The following DLG2 variants were observed in gnomAD, a reference collection of about 807,000 sequenced individuals.
The protein encoded by DLG2 is discs large MAGUK scaffold protein 2, also known as disks large homolog 2.
Under a neutral mutation model 132.5 loss-of-function variants are expected in DLG2, and 45 were observed. That is an observed-to-expected ratio of 0.34 (90% CI 0.27 to 0.44). The LOEUF (loss-of-function observed/expected upper bound fraction) is 0.44. Among genes scored for constraint, DLG2 ranks in the 20% least tolerant of loss-of-function variants. The pLI, the probability that DLG2 is intolerant of heterozygous loss-of-function variation, is 1.00. For missense variants in DLG2, 1,045 were observed against 1,196.9 expected (o/e 0.87, Z 1.87); for synonymous variants, 424 against 419.6 (o/e 1.01, Z -0.13).
At chr11:84,853,036 GT>G (rs2082343950) in intron 6 of DLG2, among the ~76,000 whole-genome samples, 2 of 152,090 alleles carry the variant, frequency 1.3e-5, no homozygotes, top group Admixed American at 1.3e-4. Flanking sequence ...GCTTCACACA[GT>G]TTCCTCAGTA....
chr11:83,765,023 T>C (rs532144050), intron 18 of DLG2, among the ~76,000 whole-genome samples: 1 of 152,360 alleles, frequency 6.6e-6, no homozygotes, highest in South Asian at 2.1e-4. Context: ...TTAAAAACTT[T>C]ACTTAAAATT....
At chr11:84,272,621 C>A (rs772803963) in intron 7 of DLG2, among the ~76,000 whole-genome samples, 3 of 152,144 alleles carry the variant, frequency 2.0e-5, no homozygotes, top group Non-Finnish European at 2.9e-5. Context: ...CATAGCTATA[C>A]ACAACTTCTG....
At chr11:84,497,290 T>C (rs1419091199) in intron 7 of DLG2, among the ~76,000 whole-genome samples, 1 of 152,126 alleles carries the variant, frequency 6.6e-6, no homozygotes, top group Non-Finnish European at 1.5e-5. Flanking sequence ...TGTTAAGACA[T>C]TAAATAATTT....
At chr11:84,094,638 G>T (rs972412705) in intron 10 of DLG2, among the ~76,000 whole-genome samples, 1 of 152,124 alleles carries the variant, frequency 6.6e-6, no homozygotes, top group Non-Finnish European at 1.5e-5. Context: ...CTCACATAAA[G>T]GAAGGGGCAA....
chr11:84,640,043 C>T (rs796687967), intron 6 of DLG2: 4 of 278,768 alleles, frequency 1.4e-5, no homozygotes, highest in Admixed American at 1.2e-4. Flanking sequence ...AAAATGTCAA[C>T]GTTACTCTGA....
At chr11:85,191,692 G>T (rs1310277987) in intron 4 of DLG2, among the ~76,000 whole-genome samples, 3 of 152,098 alleles carry the variant, frequency 2.0e-5, no homozygotes, top group East Asian at 3.9e-4. Context: ...TATGACCCAG[G>T]AAGATATATA....
intron 8 of DLG2, among the ~76,000 whole-genome samples, chr11:84,207,978 G>A (rs889276628): frequency 2.6e-5 from 4 of 152,116 alleles, no homozygotes; most frequent in African/African-American, 9.7e-5. Flanking sequence ...GCTCACCTGA[G>A]TAACTTTAGA....
intron 2 of DLG2, among the ~76,000 whole-genome samples, chr11:85,624,153 T>C (rs2081912412): frequency 6.6e-6 from 1 of 152,032 alleles, no homozygotes; most frequent in South Asian, 2.1e-4. Context: ...GTGAGAGAAG[T>C]AGAAAGTAAT....
intron 7 of DLG2, among the ~76,000 whole-genome samples, chr11:84,458,824 A>C (rs2099072505): frequency 6.6e-6 from 1 of 150,562 alleles, no homozygotes; most frequent in Non-Finnish European, 1.5e-5. Flanking sequence ...TTTGTAATTA[A>C]GTTGGTATTT....
chr11:83,599,902 G>A (rs1019731273), intron 19 of DLG2, among the ~76,000 whole-genome samples: 12 of 152,158 alleles, frequency 7.9e-5, no homozygotes, highest in African/African-American at 2.4e-4. Flanking sequence ...TTTGAATTAA[G>A]TTCATGAGCT....
chr11:84,264,932 T>C (rs1384186795), intron 7 of DLG2, among the ~76,000 whole-genome samples: 1 of 152,168 alleles, frequency 6.6e-6, no homozygotes, highest in African/African-American at 2.4e-5. Context: ...CTCTGAATTA[T>C]TTCTAAGGTT....
At chr11:85,543,798 T>A (rs554925703) in intron 3 of DLG2, among the ~76,000 whole-genome samples, 20 of 152,332 alleles carry the variant, frequency 1.3e-4, no homozygotes, top group African/African-American at 4.8e-4. Context: ...TGGAGAAGTG[T>A]CTGTTCATAT....
chr11:85,369,697 C>T (rs1216084110), intron 3 of DLG2, among the ~76,000 whole-genome samples: 1 of 152,118 alleles, frequency 6.6e-6, no homozygotes, highest in Non-Finnish European at 1.5e-5. Flanking sequence ...TGTTTAGCAA[C>T]CCTGCCTTAG....
intron 6 of DLG2, among the ~76,000 whole-genome samples, chr11:84,580,935 T>A (rs889536017): frequency 6.6e-6 from 1 of 152,108 alleles, no homozygotes; most frequent in Admixed American, 6.5e-5. Context: ...CTCAGAATAC[T>A]GTGTTCAACT....
chr11:84,065,129 T>C (rs948162953), intron 10 of DLG2, among the ~76,000 whole-genome samples: 2 of 152,138 alleles, frequency 1.3e-5, no homozygotes, highest in African/African-American at 2.4e-5. Flanking sequence ...GAAGATAACC[T>C]AGGAAATATT....
intron 17 of DLG2, chr11:83,791,299 G>A (rs1466140823): frequency 2.4e-5 from 16 of 677,544 alleles, no homozygotes; most frequent in East Asian, 7.8e-5. Flanking sequence ...GGGTTTGCCC[G>A]CCTTGCCTTT....
rs80138602 is a variant in DLG2 at position 85,499,683 on chromosome 11, C to T, written c.40+98974G>A. Among the ~76,000 whole-genome samples, 435 of 152,014 alleles carry T rather than the reference C, an allele frequency of 2.9e-3. 3 individuals carry two copies. Among genetic ancestry groups the T allele is most frequent in the Middle Eastern group, 0.027 (8 of 294 alleles). ...GACCAATAACCCTGATGAATATTGA[C>T]GTGAAAATCCTCAATAAAATACTGG... On this transcript the variant is annotated intron_variant, in intron 3 of 27. Transcript: ENST00000376104.
intron 3 of DLG2, among the ~76,000 whole-genome samples, chr11:85,583,661 C>CT (rs2078774652): frequency 6.6e-6 from 1 of 152,162 alleles, no homozygotes; most frequent in African/African-American, 2.4e-5. Context: ...TCCTCATTCT[C>CT]TAACTCTTCT....
chr11:84,777,271 ATGTGTG>A (rs1168148650), intron 6 of DLG2, among the ~76,000 whole-genome samples: 2 of 117,982 alleles, frequency 1.7e-5, no homozygotes, highest in African/African-American at 6.4e-5. Context: ...GTGTATGTAT[ATGTGTG>A]TGTGTATATA....
Sources: allele counts gnomAD v4.1 joint callset (sites outside exome capture counted in the v4.1 genomes callset), GRCh38; gene constraint gnomAD v4.1.1; transcripts MANE v1.5; gene names NCBI Gene and HGNC (gene_info 2026-07-23, HGNC 2026-07-21).